The following COQ8B variants were observed in gnomAD, a reference collection of about 807,000 sequenced individuals.
The protein encoded by COQ8B is atypical kinase COQ8B, mitochondrial.
A neutral mutation model predicts 62.0 loss-of-function variants in COQ8B; 44 were observed. The ratio of observed to expected loss-of-function variants is 0.71; its 90% CI spans 0.56 to 0.91. COQ8B has a LOEUF of 0.91. COQ8B is among the 40% of genes least tolerant of loss of function. COQ8B has a pLI of 0.00. For missense variants in COQ8B, 649 were observed against 731.6 expected (o/e 0.89, Z 1.30); for synonymous variants, 252 against 289.9 (o/e 0.87, Z 1.33).
rs1344172426 is a variant in COQ8B at position 40,714,764 on chromosome 19, CCA to C, written c.-3-131_-3-130del. On this transcript the variant is annotated intron_variant, in intron 1 of 14. Transcript: ENST00000324464. Reference sequence around the variant, plus strand: ...TACTTCCTCCACTATTAATAGATTCCCACAGTTTCTCCTGGTTCTCCCCTGGT... The same window carrying C: ...TACTTCCTCCACTATTAATAGATTCCCAGTTTCTCCTGGTTCTCCCCTGGT... 11 of 1,299,864 alleles carry C rather than the reference CCA, an allele frequency of 8.5e-6. No individual in the cohort carries two copies. The Middle Eastern group carries it at 6.6e-4, about 78-fold the overall frequency. 80.5% of individuals were successfully genotyped at this position (1,299,864 alleles called of 1,614,324 possible).
intron 7 of COQ8B, 65 bp from the exon 8 acceptor site, chr19:40,703,920 C>T (rs1568440474): frequency 2.2e-5 from 34 of 1,534,844 alleles, no homozygotes; most frequent in South Asian, 1.1e-4. Context: ...GAGTGCTTTA[C>T]GTGTTGATAA....
intron 4 of COQ8B, among the ~76,000 whole-genome samples, chr19:40,710,859 C>A (rs2082135530): frequency 6.6e-6 from 1 of 152,180 alleles, no homozygotes; most frequent in Non-Finnish European, 1.5e-5. Flanking sequence ...CGGCCGGGCA[C>A]AGTGGCTCAT....
In COQ8B at chr19:40,703,613, T is replaced by C. The variant is rs2082078427; in HGVS notation, c.727A>G (p.Ile243Val). ...ACATCGCTCTGAATGCTCTGGGCTA[T>C]GCCGGGGTACTGTAAAGGGAGAAGG... ...EVAVKIQYPG[I>V]AQSIQSDVQN... is the part of the protein sequence containing the mutation. Residue 243 changes from isoleucine (I) to valine (V), a missense_variant, in exon 9 of 15, where the codon ATA becomes GTA. Physicochemically the swap from Ile to Val is conservative, Grantham distance 29 (BLOSUM62 3). Coordinates refer to ENST00000324464, the MANE Select transcript of COQ8B (RefSeq NM_024876.4). 2 of 1,612,770 alleles carry C rather than the reference T, an allele frequency of 1.2e-6. No homozygotes were observed. The highest frequency in any genetic ancestry group is 1.7e-6 in the Non-Finnish European group (2 of 1,179,112).
intron 13 of COQ8B, among the ~76,000 whole-genome samples, chr19:40,695,469 G>A (rs983914038): frequency 6.6e-6 from 1 of 152,154 alleles, no homozygotes; most frequent in Non-Finnish European, 1.5e-5. Context: ...ACCCCAGTGG[G>A]TGGGAGAGAC....
Position 40,692,293 on chromosome 19 carries a change from C to T in COQ8B, c.1377G>A (p.Ser459=), listed in dbSNP as rs367757539. 2.2e-5 allele frequency: 35 copies of T among 1,613,676 alleles called. No individual in the cohort carries two copies. The highest frequency in any genetic ancestry group is 1.2e-4 in the African/African-American group (9 of 74,994). ...CCTGTATGCGGCGGGCCGTTTCCCC[C>T]GACCCAAAGTCATAAGGGCCCTGGG... The part of the protein sequence containing the change: ...FATQGPYDFG[S]GETARRIQDL... The change falls in exon 15 of 15, where the codon TCG becomes TCA. Residue 459 remains serine, a synonymous_variant. Transcript: ENST00000324464.
chr19:40,703,664 C>A (rs1431595140), intron 8 of COQ8B, 42 bp from the exon 9 acceptor site: 1 of 1,613,806 alleles, frequency 6.2e-7, no homozygotes, highest in South Asian at 1.1e-5. Context: ...GGAGTCACTT[C>A]TCTGGGCTAG....
At position 40,703,841 on chromosome 19, in the gene COQ8B, C is replaced by T; in HGVS notation, c.591G>A (p.Glu197=). 6.2e-7 allele frequency: 1 copy of T among 1,611,410 alleles called. No homozygotes were observed. The highest frequency in any genetic ancestry group is 2.2e-5 in the East Asian group (1 of 44,774). Residue 197 remains glutamate, a synonymous_variant, in exon 8 of 15, where the codon GAG becomes GAA. Transcript: ENST00000324464. Reference sequence around the variant, plus strand: ...TGGCCTGCCAGTCCCTGCCGAGCTCCTCTTCAAGAACTCTCTGCGGGGAGT... The same window carrying T: ...TGGCCTGCCAGTCCCTGCCGAGCTCTTCTTCAAGAACTCTCTGCGGGGAGT... ...PRWQMLRVLE[E]ELGRDWQAKV... is the part of the protein sequence containing the mutation.
intron 5 of COQ8B, among the ~76,000 whole-genome samples, chr19:40,706,233 T>A (rs921348518): frequency 6.6e-6 from 1 of 152,160 alleles, no homozygotes; most frequent in Non-Finnish European, 1.5e-5. Context: ...GGGCAACGAT[T>A]CTCGAAATGT....
At chr19:40,703,278 T>C (rs371898438) in intron 9 of COQ8B, 4 of 469,498 alleles carry the variant, frequency 8.5e-6, no homozygotes, top group Middle Eastern at 1.1e-3. Flanking sequence ...GCTCCCTGCA[T>C]GCACACCCTC....
At position 40,700,090 on chromosome 19, in the gene COQ8B, G is replaced by A. The variant is rs760458734; in HGVS notation, c.1120C>T (p.Leu374=). The A allele has an allele frequency of 3.1e-6, 5 of 1,614,218 alleles. No homozygotes were observed. The highest frequency in any genetic ancestry group is 3.3e-5 in the Admixed American group (2 of 60,026). ...ACCTGGTGGCTGGAGGCATCATACA[G>A]GAAGTTGGCCCAGTTGGGGTCAGTC... ...MQTDPNWANF[L]YDASSHQVTL... Residue 374 remains leucine (L), a synonymous_variant, in exon 12 of 15, where the codon CTG becomes TTG. Coordinates refer to ENST00000324464, the MANE Select transcript of COQ8B (RefSeq NM_024876.4).
At chr19:40,701,881 G>A (rs1020539765) in intron 10 of COQ8B, among the ~76,000 whole-genome samples, 3 of 152,210 alleles carry the variant, frequency 2.0e-5, no homozygotes, top group Non-Finnish European at 2.9e-5. Context: ...CCACTGAGGT[G>A]CCATTAATTG....
chr19:40,697,851 T>TAGAGAGAGAGAGAGAGAGAGAGAGAGAG (rs1290386996), intron 12 of COQ8B, among the ~76,000 whole-genome samples: 28 of 54,708 alleles, frequency 5.1e-4, no homozygotes, highest in Non-Finnish European at 6.0e-4. Context: ...TATATATATA[T>TAGAGAGAGAGAGAGAGAGAGAGAGAGAG]AGAGAGAGAG....
At chr19:40,702,993 C>T (rs554378309) in intron 9 of COQ8B, among the ~76,000 whole-genome samples, 115 of 151,900 alleles carry the variant, frequency 7.6e-4, no homozygotes, top group African/African-American at 2.7e-3. Flanking sequence ...CAGGGTTCCC[C>T]GGGGTCTTCC....
chr19:40,713,691 G>A (rs1301241217), intron 4 of COQ8B, among the ~76,000 whole-genome samples: 5 of 151,320 alleles, frequency 3.3e-5, no homozygotes, highest in Admixed American at 2.0e-4. Flanking sequence ...ACTCCAGCCT[G>A]GGCAACAGAG....
In COQ8B at chr19:40,700,322, G is replaced by A. The variant is rs1295770724; in HGVS notation, c.1023C>T (p.Asp341=). The A allele has an allele frequency of 6.2e-7, 1 of 1,613,888 alleles. No individual in the cohort carries two copies. Among genetic ancestry groups the A allele is most frequent in the African/African-American group, 1.3e-5 (1 of 75,052 alleles). The change falls in exon 11 of 15, where the codon GAC becomes GAT. Residue 341 remains aspartate, a synonymous_variant. Transcript: ENST00000324464. ...PLDQCQGLSQ[D]LRNQICFQLL... ...CCAGACAGCATACCTGGTTCCGCAGGTCCTGGCTTAGGCCCTGGCACTGGT... is the reference window on the plus strand; with the variant it reads ...CCAGACAGCATACCTGGTTCCGCAGATCCTGGCTTAGGCCCTGGCACTGGT...
At chr19:40,692,877 C>T in intron 14 of COQ8B, 74 bp downstream of exon 14, 2 of 1,361,138 alleles carry the variant, frequency 1.5e-6, no homozygotes, top group South Asian at 2.4e-5. Flanking sequence ...TCGAGTTCCT[C>T]AGTGGAGATA....
In COQ8B at chr19:40,716,809, AGGGAGGGGG is replaced by A. The variant is rs2082188316; in HGVS notation, c.-235_-227del. The A allele has an allele frequency of 2.3e-5, 4 of 172,172 alleles. No homozygotes were observed. Among genetic ancestry groups the A allele is most frequent in the African/African-American group, 9.5e-5 (4 of 41,938 alleles). 10.7% of individuals were successfully genotyped at this position (172,172 alleles called of 1,614,324 possible). A position where few individuals can be genotyped will look rare whatever the true frequency, so the allele number is the denominator to read the frequency against. ...GAGGGTGGTTTAGTCACAGGGGTGG[AGGGAGGGGG>A]CCCACTGGCGCGCCACCAGGACCCC... On this transcript the variant is annotated 5_prime_UTR_variant, in exon 1 of 15. Transcript: ENST00000324464.
chr19:40,698,292 T>TA (rs889484186), intron 12 of COQ8B, among the ~76,000 whole-genome samples: 389 of 132,276 alleles, frequency 2.9e-3, no homozygotes, highest in Middle Eastern at 4.2e-3. Context: ...ATCTATTCCA[T>TA]AAAAAAAAAA....
chr19:40,709,952 A>G (rs2082128198), intron 5 of COQ8B, 107 bp downstream of exon 5: 2 of 1,123,318 alleles, frequency 1.8e-6, no homozygotes, highest in African/African-American at 1.5e-5. Context: ...AATTATCACC[A>G]CCTCCATCTT....
Sources: allele counts gnomAD v4.1 joint callset (sites outside exome capture counted in the v4.1 genomes callset), GRCh38; gene constraint gnomAD v4.1.1; transcripts MANE v1.5; gene names NCBI Gene and HGNC (gene_info 2026-07-23, HGNC 2026-07-21).